Variants in CTNNA3 observed in about 807,000 individuals in gnomAD.
CTNNA3 encodes catenin alpha-3.
A neutral mutation model predicts 95.7 loss-of-function variants in CTNNA3; 76 were observed. The ratio of observed to expected loss-of-function variants is 0.79; its 90% CI spans 0.66 to 0.96. The LOEUF is 0.96. CTNNA3 is among the 40% of genes least tolerant of loss of function. CTNNA3 has a pLI of 0.00. For synonymous variants in CTNNA3, 431 were observed against 374.4 expected (o/e 1.15, Z -1.74); for missense variants, 1,191 against 1,089.8 (o/e 1.09, Z -1.31).
intron 1 of CTNNA3, among the ~76,000 whole-genome samples, chr10:67,720,949 G>A (rs561028382): frequency 1.3e-4 from 20 of 152,004 alleles, no homozygotes; most frequent in East Asian, 5.8e-4. Flanking sequence ...GTGAGACTCC[G>A]TCTCAGAAAA....
intron 13 of CTNNA3, among the ~76,000 whole-genome samples, chr10:66,218,252 T>C (rs4746557): frequency 0.57 from 85,889 of 152,014 alleles, 24,968 homozygotes; most frequent in South Asian, 0.65. Context: ...TGGTCCCCAA[T>C]GATCCCTGCC....
At chr10:66,997,214 A>G (rs1458731709) in intron 7 of CTNNA3, among the ~76,000 whole-genome samples, 1 of 152,192 alleles carries the variant, frequency 6.6e-6, no homozygotes, top group Admixed American at 6.5e-5. Context: ...CTAATTTTCC[A>G]TAGTTGTGAC....
chr10:67,738,672 A>C lies in CTNNA3; in HGVS notation c.-2+24762T>G, dbSNP rs116043694. Among the ~76,000 whole-genome samples the C allele has an allele frequency of 3.3e-3, 509 of 152,226 alleles. 5 individuals are homozygous for C. Among genetic ancestry groups the C allele is most frequent in the African/African-American group, 0.012 (481 of 41,538 alleles). The stretch of plus-strand genomic sequence containing the variant: ...AAGGAGGAAGTCCGAACCCATGACA[A>C]AGAAGTTAAAACCTTGAAAAAAAAA... On this transcript the variant is annotated intron_variant, in intron 1 of 17. Coordinates refer to the CTNNA3 transcript ENST00000684154.
rs56801434 is a variant in CTNNA3 at position 66,664,889 on chromosome 10, T to TAA, written c.1282-43107_1282-43106dup. ...CTGAATATGAGTCAGCTGAAAAAATTAAAAAAAAAAAAAAAAAAAAACAGA... is the reference window on the plus strand; with the variant it reads ...CTGAATATGAGTCAGCTGAAAAAATTAAAAAAAAAAAAAAAAAAAAAAACAGA... On this transcript the variant is annotated intron_variant, in intron 9 of 17. Coordinates refer to ENST00000433211, the MANE Select transcript of CTNNA3 (RefSeq NM_013266.4). Among the ~76,000 whole-genome samples, 326 of 134,506 alleles carry TAA rather than the reference T, an allele frequency of 2.4e-3. 1 individual carries two copies. The highest frequency in any genetic ancestry group is 7.4e-3 in the African/African-American group (273 of 36,724). The allele number at this position is 134,506 out of a possible 152,430, so 88.2% of individuals were successfully genotyped here.
intron 11 of CTNNA3, among the ~76,000 whole-genome samples, chr10:66,482,996 T>C (rs1376149305): frequency 2.0e-5 from 3 of 152,150 alleles, no homozygotes; most frequent in Non-Finnish European, 4.4e-5. Flanking sequence ...GCATCCAGTG[T>C]GGAGCACAGG....
At chr10:66,673,096 T>C (rs1399120294) in intron 9 of CTNNA3, among the ~76,000 whole-genome samples, 2 of 152,116 alleles carry the variant, frequency 1.3e-5, no homozygotes, top group African/African-American at 4.8e-5. Context: ...CATTTACTAC[T>C]GCCAAGGATA....
At chr10:67,517,317 C>G (rs1252346385) in intron 5 of CTNNA3, among the ~76,000 whole-genome samples, 1 of 152,058 alleles carries the variant, frequency 6.6e-6, no homozygotes, top group Non-Finnish European at 1.5e-5. Flanking sequence ...TAAGAGATAA[C>G]AAGTAGAATT....
intron 14 of CTNNA3, among the ~76,000 whole-genome samples, chr10:66,070,551 A>G (rs2080413591): frequency 6.6e-6 from 1 of 152,168 alleles, no homozygotes; most frequent in African/African-American, 2.4e-5. Context: ...TCTATTTATT[A>G]GAATAAATAG....
chr10:66,235,043 C>A (rs959306582), intron 13 of CTNNA3, among the ~76,000 whole-genome samples: 6 of 152,208 alleles, frequency 3.9e-5, no homozygotes, highest in African/African-American at 1.4e-4. Flanking sequence ...ACCACGTAAG[C>A]TTCGAAGCAG....
chr10:66,078,704 T>C (rs945944241), intron 14 of CTNNA3, among the ~76,000 whole-genome samples: 2 of 151,994 alleles, frequency 1.3e-5, no homozygotes, highest in Admixed American at 6.6e-5. Context: ...AAATTTAATT[T>C]ATTTAATTGC....
chr10:66,063,254 C>T, intron 15 of CTNNA3, among the ~76,000 whole-genome samples: 1 of 140,196 alleles, frequency 7.1e-6, no homozygotes, highest in East Asian at 2.0e-4. Context: ...ATAGATAGAT[C>T]TATATATAGA....
intron 5 of CTNNA3, among the ~76,000 whole-genome samples, chr10:67,485,162 C>G (rs986520472): frequency 1.3e-5 from 2 of 152,140 alleles, no homozygotes; most frequent in Non-Finnish European, 2.9e-5. Flanking sequence ...GTTGTGTCCT[C>G]TGCAGCAACA....
rs773670151 is a variant in CTNNA3 at position 67,265,267 on chromosome 10, G to A, written c.580-45397C>T. On this transcript the variant is annotated intron_variant, in intron 5 of 17. Coordinates refer to ENST00000433211, the MANE Select transcript of CTNNA3 (RefSeq NM_013266.4). ...ATGATCAGTTGAAGGCTCATATTCCGTTACTTTGAAATTCTATCAACAGAT... is the reference window on the plus strand; with the variant it reads ...ATGATCAGTTGAAGGCTCATATTCCATTACTTTGAAATTCTATCAACAGAT... Among the ~76,000 whole-genome samples the A allele has an allele frequency of 2.4e-4, 36 of 152,046 alleles. 1 individual carries two copies. Among genetic ancestry groups the A allele is most frequent in the African/African-American group, 7.3e-4 (30 of 41,376 alleles).
At chr10:67,406,029 C>A (rs1845126388) in intron 5 of CTNNA3, among the ~76,000 whole-genome samples, 1 of 152,146 alleles carries the variant, frequency 6.6e-6, no homozygotes, top group Admixed American at 6.6e-5. Context: ...GGGCAGTTTC[C>A]TCCATGCTGT....
chr10:66,286,592 ATC>A (rs1564840045), intron 12 of CTNNA3, among the ~76,000 whole-genome samples: 2 of 152,092 alleles, frequency 1.3e-5, no homozygotes, highest in Non-Finnish European at 2.9e-5. Context: ...CTCAGAGGGT[ATC>A]CTGAACTAGA....
At chr10:67,481,217 C>T (rs1848211655) in intron 5 of CTNNA3, among the ~76,000 whole-genome samples, 1 of 152,208 alleles carries the variant, frequency 6.6e-6, no homozygotes, top group Non-Finnish European at 1.5e-5. Flanking sequence ...AGAGCTGAAA[C>T]AAGACAAAGA....
chr10:66,056,046 C>T (rs1054530740), intron 15 of CTNNA3, among the ~76,000 whole-genome samples: 1 of 151,130 alleles, frequency 6.6e-6, no homozygotes, highest in Admixed American at 6.6e-5. Context: ...CTGGCTAGGA[C>T]TTCTAGTATT....
rs781167292 is a variant in CTNNA3, at chr10:65,920,388, T to G, written c.2630A>C (p.Lys877Thr). The G allele has an allele frequency of 3.7e-6, 6 of 1,614,034 alleles. No homozygotes were observed. The Admixed American group carries it at 6.7e-5, about 18-fold the overall frequency. The change falls in exon 18 of 18, where the codon AAG (lysine) becomes ACG (threonine). Residue 877 changes from lysine to threonine, a missense_variant. Transcript: ENST00000433211. ...GACTTGCAATGGATGGATTTTTTTC[T>G]TTGCTGAGCCTCGTCTGACAGCTGC... ...TCAAVRRGSA[K>T]KKIHPLQVMS...
intron 5 of CTNNA3, among the ~76,000 whole-genome samples, chr10:67,257,792 AAATAG>A (rs757858583): frequency 1.3e-4 from 20 of 152,232 alleles, no homozygotes; most frequent in Admixed American, 5.9e-4. Flanking sequence ...AGATAATATA[AAATAG>A]AATAAAGAAT....
Sources: allele counts gnomAD v4.1 joint callset (sites outside exome capture counted in the v4.1 genomes callset), GRCh38; gene constraint gnomAD v4.1.1; transcripts MANE v1.5; gene names NCBI Gene and HGNC (gene_info 2026-07-23, HGNC 2026-07-21).